IKBIP: variants seen among roughly 807,000 people sequenced by gnomAD.
IKBIP encodes the protein IKBKB interacting protein.
In IKBIP, 28 loss-of-function variants were observed where a neutral mutation model predicts 31.0. That is an observed-to-expected ratio of 0.90 (90% CI 0.67 to 1.24). The LOEUF (loss-of-function observed/expected upper bound fraction) is 1.24. Among genes scored for constraint, IKBIP ranks in the 50% most tolerant of loss-of-function variants. IKBIP has a pLI of 0.00. For missense variants in IKBIP, 453 were observed against 441.9 expected (o/e 1.03, Z -0.23); for synonymous variants, 164 against 160.3 (o/e 1.02, Z -0.17).
rs924278059 is a variant in IKBIP at position 98,625,085 on chromosome 12, T to G, written c.*845A>C. ...TCCCAAAGTGCTAGGATTACAGGTGTGAGCCACTGCGCCTGGCCTATTTAA... is the reference window on the plus strand; with the variant it reads ...TCCCAAAGTGCTAGGATTACAGGTGGGAGCCACTGCGCCTGGCCTATTTAA... On this transcript the variant is annotated 3_prime_UTR_variant, in exon 3 of 3. Transcript: ENST00000299157. 4.5e-5 allele frequency: 44 copies of G among 970,668 alleles called. No individual in the cohort carries two copies. Among genetic ancestry groups the G allele is most frequent in the Non-Finnish European group, 4.9e-5 (40 of 816,590 alleles). The allele number at this position is 970,668 out of a possible 1,614,324, so 60.1% of individuals were successfully genotyped here. A position where few individuals can be genotyped will look rare whatever the true frequency, so the allele number is the denominator to read the frequency against.
At chr12:98,618,984 C>T (rs1048298101) in intron 2 of IKBIP, among the ~76,000 whole-genome samples, 6 of 152,160 alleles carry the variant, frequency 3.9e-5, no homozygotes, top group Admixed American at 2.0e-4. Flanking sequence ...CCCCCCACTT[C>T]GCCCCATCAT....
chr12:98,644,487 C>G, intron 1 of IKBIP, 36 bp downstream of exon 1: 5 of 1,538,626 alleles, frequency 3.2e-6, no homozygotes, highest in Non-Finnish European at 4.4e-6. Flanking sequence ...AGGGGGCCCA[C>G]AGGAGGCCGG....
At chr12:98,643,022 A>C (rs1444904514) in intron 1 of IKBIP, among the ~76,000 whole-genome samples, 2 of 149,030 alleles carry the variant, frequency 1.3e-5, no homozygotes, top group African/African-American at 5.0e-5. Flanking sequence ...GCACGATCCC[A>C]GCTCACTGCA....
rs577030903 is a variant in IKBIP at position 98,624,950 on chromosome 12, A to G, written c.*980T>C. 9.2e-5 allele frequency: 25 copies of G among 272,428 alleles called. No homozygotes were observed. Among genetic ancestry groups the G allele is most frequent in the Admixed American group, 2.6e-4 (4 of 15,416 alleles). The allele number at this position is 272,428 out of a possible 1,614,324, so 16.9% of individuals were successfully genotyped here. A position where few individuals can be genotyped will look rare whatever the true frequency, so the allele number is the denominator to read the frequency against. ...CTCCTGAGTAGCTGGGACTACAGGC[A>G]CCCACCACCACGCCTGGCTAATTTT... On this transcript the variant is annotated 3_prime_UTR_variant, in exon 3 of 3. Coordinates refer to ENST00000299157, the MANE Select transcript of IKBIP (RefSeq NM_153687.4).
At chr12:98,614,052 C>A (rs760492758) in exon 3 of IKBIP, 2 of 1,611,512 alleles carry the variant, frequency 1.2e-6, no homozygotes, top group Non-Finnish European at 1.7e-6. Context: ...AGTTCTTGCA[C>A]AGAATCTGTC....
At chr12:98,620,723 C>T (rs370678247), downstream of IKBIP, among the ~76,000 whole-genome samples, 28 of 152,186 alleles carry the variant, frequency 1.8e-4, no homozygotes, top group South Asian at 5.4e-3. Context: ...TAATTTAAAA[C>T]CATTTAGATC....
At position 98,619,073 on chromosome 12, in the gene IKBIP, G is replaced by A. The variant is rs538522999; in HGVS notation, c.298-4733C>T. ...CTTAAATTAATTATTGGTGGATAAG[G>A]TGGCCCAAAATGTGTTTTTTGGTAG... is the stretch of plus-strand genomic sequence containing the variant. On this transcript the variant is annotated intron_variant, in intron 2 of 2. Transcript: ENST00000342502. Among the ~76,000 whole-genome samples the A allele has an allele frequency of 3.3e-5, 5 of 152,272 alleles. No individual in the cohort carries two copies. In the East Asian group the frequency reaches 9.6e-4, roughly 29 times the overall value.
chr12:98,635,633 T>G (rs931820006), intron 1 of IKBIP, among the ~76,000 whole-genome samples: 1 of 152,212 alleles, frequency 6.6e-6, no homozygotes, highest in African/African-American at 2.4e-5. Flanking sequence ...TTGGGTAATA[T>G]CTAGAAAATA....
chr12:98,623,407 C>A (rs182501970), downstream of IKBIP, among the ~76,000 whole-genome samples: 25 of 149,284 alleles, frequency 1.7e-4, 1 homozygote, highest in African/African-American at 6.1e-4. Flanking sequence ...TACAGGGATG[C>A]GCTTTTTTTT....
In IKBIP at chr12:98,624,610, A is replaced by C; in HGVS notation, c.*1320T>G. 2.2e-6 allele frequency: 2 copies of C among 904,920 alleles called. No homozygotes were observed. The highest frequency in any genetic ancestry group is 2.6e-6 in the Non-Finnish European group (2 of 756,628). 56.1% of individuals were successfully genotyped at this position (904,920 alleles called of 1,614,324 possible). A position where few individuals can be genotyped will look rare whatever the true frequency, so the allele number is the denominator to read the frequency against. On this transcript the variant is annotated 3_prime_UTR_variant, in exon 3 of 3. Coordinates refer to ENST00000299157, the MANE Select transcript of IKBIP (RefSeq NM_153687.4). ...TGGTAAGGTTATTGACAAAGAAACA[A>C]GAACAAACTTCCATATTGCAGTTGA... is the stretch of plus-strand genomic sequence containing the variant.
intron 2 of IKBIP, among the ~76,000 whole-genome samples, chr12:98,628,202 G>A (rs1276574578): frequency 6.6e-6 from 1 of 152,232 alleles, no homozygotes; most frequent in Non-Finnish European, 1.5e-5. Flanking sequence ...AGAAAGACAA[G>A]TGTATATGCA....
chr12:98,620,808 T>G (rs1432897379), downstream of IKBIP, among the ~76,000 whole-genome samples: 2 of 152,142 alleles, frequency 1.3e-5, no homozygotes, highest in Admixed American at 1.3e-4. Flanking sequence ...GGTCAGGAGT[T>G]TGAGACCAGC....
At position 98,626,235 on chromosome 12, in the gene IKBIP, C is replaced by G; in HGVS notation, c.829G>C (p.Glu277Gln). Residue 277 changes from glutamate (E) to glutamine (Q), a missense_variant, in exon 3 of 3, where the codon GAA becomes CAA. By Grantham distance (29) the Glu-to-Gln change is conservative. Coordinates refer to ENST00000299157, the MANE Select transcript of IKBIP (RefSeq NM_153687.4). Reference protein sequence around the residue: ...EECKTHLPTIESAIHSVLRVS... With the variant: ...EECKTHLPTIQSAIHSVLRVS... ...CTGAGAACAGAGTGAATAGCACTTT[C>G]AATTGTTGGCAAATGTGTCTTGCAT... The G allele has an allele frequency of 6.2e-7, 1 of 1,614,132 alleles. No homozygotes were observed. Among genetic ancestry groups the G allele is most frequent in the Non-Finnish European group, 8.5e-7 (1 of 1,180,008 alleles).
intron 2 of IKBIP, among the ~76,000 whole-genome samples, chr12:98,631,937 T>C (rs1592996212): frequency 6.6e-6 from 1 of 150,630 alleles, no homozygotes; most frequent in African/African-American, 2.4e-5. Context: ...CTCACTGCAA[T>C]CTCCACCTCC....
chr12:98,638,813 G>A (rs2097628062), intron 1 of IKBIP, among the ~76,000 whole-genome samples: 1 of 151,698 alleles, frequency 6.6e-6, no homozygotes, highest in Non-Finnish European at 1.5e-5. Flanking sequence ...GTTTTTTGAG[G>A]CAGCTGAAGA....
In IKBIP at chr12:98,626,253, T is replaced by C. The variant is rs756356615; in HGVS notation, c.811A>G (p.Thr271Ala). Residue 271 changes from threonine to alanine, a missense_variant, in exon 3 of 3, where the codon ACA becomes GCA. By Grantham distance (58) the Thr-to-Ala change is moderately conservative (BLOSUM62 0). Coordinates refer to ENST00000299157, the MANE Select transcript of IKBIP (RefSeq NM_153687.4). Reference sequence around the variant, plus strand: ...GCACTTTCAATTGTTGGCAAATGTGTCTTGCATTCTTCAACTTTGGGTTCG... The same window carrying C: ...GCACTTTCAATTGTTGGCAAATGTGCCTTGCATTCTTCAACTTTGGGTTCG... ...DYEPKVEECKTHLPTIESAIH... is the reference protein window; with the variant it reads ...DYEPKVEECKAHLPTIESAIH... 5.6e-6 allele frequency: 9 copies of C among 1,614,184 alleles called. No individual in the cohort carries two copies. Among genetic ancestry groups the C allele is most frequent in the South Asian group, 2.2e-5 (2 of 91,084 alleles).
At chr12:98,630,165 C>G (rs919185045) in intron 2 of IKBIP, among the ~76,000 whole-genome samples, 2 of 151,900 alleles carry the variant, frequency 1.3e-5, no homozygotes, top group African/African-American at 4.8e-5. Context: ...GGGTGGACCA[C>G]CTGAGGTCGG....
chr12:98,629,080 G>A (rs2097617523), intron 2 of IKBIP, among the ~76,000 whole-genome samples: 1 of 152,172 alleles, frequency 6.6e-6, no homozygotes, highest in South Asian at 2.1e-4. Flanking sequence ...TTTCAAAGGA[G>A]AAGAGACCAT....
intron 2 of IKBIP, among the ~76,000 whole-genome samples, chr12:98,615,022 A>C (rs1225034366): frequency 6.6e-6 from 1 of 152,230 alleles, no homozygotes; most frequent in Non-Finnish European, 1.5e-5. Context: ...GCTAGGTGAG[A>C]CAAGGCAACA....
Sources: gnomAD v4.1 joint callset for allele counts (sites outside exome capture counted in the v4.1 genomes callset) on GRCh38, gnomAD v4.1.1 for gene constraint, MANE v1.5 for transcripts, NCBI Gene and HGNC (gene_info 2026-07-23, HGNC 2026-07-21) for gene names.